PLA2G5: variants seen among roughly 807,000 people sequenced by gnomAD.
PLA2G5 encodes the protein phospholipase A2 group V, also known as Ca2+-dependent phospholipase A2.
Under a neutral mutation model 15.9 loss-of-function variants are expected in PLA2G5, and 12 were observed. The observed-to-expected ratio is 0.76, with a 90% confidence interval of 0.48 to 1.23. The LOEUF (loss-of-function observed/expected upper bound fraction) is 1.23, where lower values mean the gene tolerates loss of function less well. Among genes scored for constraint, PLA2G5 ranks in the 50% most tolerant of loss-of-function variants. The probability of loss-of-function intolerance (pLI) is 0.00; values close to 1 mark genes in which losing one functional copy is unlikely to be tolerated. For synonymous variants in PLA2G5, 71 were observed against 71.4 expected, an observed-to-expected ratio of 0.99 and a Z score of 0.03; for missense variants, 169 against 177.1, an observed-to-expected ratio of 0.95 and a Z score of 0.26.
chr1:20,080,007 A>C (rs2100587704), intron 1 of PLA2G5, among the ~76,000 whole-genome samples: 1 of 152,326 alleles, frequency 6.6e-6, no homozygotes, highest in South Asian at 2.1e-4. Flanking sequence ...TTGGCAAGTT[A>C]GGAACAAGAG....
At chr1:20,085,420 G>A (rs2100619668) in intron 2 of PLA2G5, among the ~76,000 whole-genome samples, 1 of 152,228 alleles carries the variant, frequency 6.6e-6, no homozygotes, top group South Asian at 2.1e-4. Flanking sequence ...GGAGGAGCTG[G>A]AGGCCTGGTG....
chr1:20,073,072 C>T (rs2015471964), intron 1 of PLA2G5, among the ~76,000 whole-genome samples: 1 of 152,152 alleles, frequency 6.6e-6, no homozygotes, highest in African/African-American at 2.4e-5. Flanking sequence ...CCTTGGGCAC[C>T]ATCTGTGATC....
At chr1:20,052,110 A>G (rs930006921) in intron 1 of PLA2G5, among the ~76,000 whole-genome samples, 3 of 150,978 alleles carry the variant, frequency 2.0e-5, no homozygotes, top group African/African-American at 7.3e-5. Flanking sequence ...TTTATTAAAA[A>G]TGGGAAACTG....
In PLA2G5 at chr1:20,049,420, A is replaced by G. The variant is rs77610515; in HGVS notation, n.277-10212A>G. ...TTAAGGAATTGATTTATTCTTAATAAATTATAAGAGCTTTTAATTTTTTTT... is the reference window on the plus strand; with the variant it reads ...TTAAGGAATTGATTTATTCTTAATAGATTATAAGAGCTTTTAATTTTTTTT... On this transcript the variant is annotated intron_variant and non_coding_transcript_variant, in intron 1 of 6. Coordinates refer to the PLA2G5 transcript ENST00000460175. 9.0e-4 allele frequency among the ~76,000 whole-genome samples: 136 copies of G among 151,332 alleles called. 2 individuals carry two copies. The East Asian group carries it at 0.021, about 23-fold the overall frequency.
rs187146146 is a variant in PLA2G5 at position 20,077,197 on chromosome 1, A to G, written c.-11+6732A>G. 3.6e-3 allele frequency among the ~76,000 whole-genome samples: 554 copies of G among 152,350 alleles called. 4 individuals are homozygous for G. Among genetic ancestry groups the G allele is most frequent in the African/African-American group, 0.011 (471 of 41,588 alleles). ...TTTGCCCTCAAGAGGCTTCCATTCA[A>G]TTGGAGGTGGAAGTGGCTGGGGCAT... On this transcript the variant is annotated intron_variant, in intron 1 of 4. Coordinates refer to ENST00000375108, the MANE Select transcript of PLA2G5 (RefSeq NM_000929.3).
At chr1:20,081,302 A>C (rs926965779) in intron 1 of PLA2G5, among the ~76,000 whole-genome samples, 1 of 151,730 alleles carries the variant, frequency 6.6e-6, no homozygotes, top group Admixed American at 6.5e-5. Flanking sequence ...CAGCCACTCC[A>C]TGCCTCTGCC....
intron 1 of PLA2G5, among the ~76,000 whole-genome samples, chr1:20,053,237 G>C (rs1429381404): frequency 1.3e-5 from 2 of 152,070 alleles, no homozygotes; most frequent in Admixed American, 1.3e-4. Context: ...TCTTTTATCT[G>C]ACAGGAATTT....
intron 2 of PLA2G5, among the ~76,000 whole-genome samples, chr1:20,061,759 C>A (rs1224722455): frequency 6.6e-6 from 1 of 152,234 alleles, no homozygotes; most frequent in Non-Finnish European, 1.5e-5. Context: ...ATCCAGCCCT[C>A]TGCCTTTTTA....
chr1:20,074,168 T>C (rs149925016), intron 1 of PLA2G5, among the ~76,000 whole-genome samples: 173 of 152,226 alleles, frequency 1.1e-3, no homozygotes, highest in Non-Finnish European at 1.9e-3. Flanking sequence ...GAGCAGGAAA[T>C]GCAAAAGCTG....
At chr1:20,044,669 G>A (rs537366133) in intron 1 of PLA2G5, among the ~76,000 whole-genome samples, 5 of 152,128 alleles carry the variant, frequency 3.3e-5, no homozygotes, top group African/African-American at 7.2e-5. Context: ...TTGGGCAGGT[G>A]GGGGAGGGCT....
chr1:20,034,218 C>G (rs949940780), intron 1 of PLA2G5, among the ~76,000 whole-genome samples: 1 of 152,098 alleles, frequency 6.6e-6, no homozygotes, highest in Non-Finnish European at 1.5e-5. Flanking sequence ...GGAAGTTCAG[C>G]TAGGTCCTTG....
At chr1:20,066,275 T>C (rs2015022346), upstream of PLA2G5, 1 of 152,256 alleles carries the variant, frequency 6.6e-6, no homozygotes, top group Non-Finnish European at 1.5e-5. Context: ...TTATTCATTT[T>C]CTTATTTTTG....
chr1:20,052,307 AT>A (rs980747887), intron 1 of PLA2G5, among the ~76,000 whole-genome samples: 2 of 151,668 alleles, frequency 1.3e-5, no homozygotes, highest in Admixed American at 6.6e-5. Context: ...AATGTTTTCC[AT>A]TTTTTTCCTT....
At chr1:20,088,738 C>T (rs2016418515) in intron 3 of PLA2G5, 1 of 153,756 alleles carries the variant, frequency 6.5e-6, no homozygotes, top group Non-Finnish European at 1.5e-5. Flanking sequence ...TGCAGATGCC[C>T]TAGTCCCTGA....
chr1:20,058,440 C>T (rs533689509), intron 1 of PLA2G5, among the ~76,000 whole-genome samples: 2 of 152,302 alleles, frequency 1.3e-5, no homozygotes, highest in East Asian at 3.9e-4. Context: ...ATTAACATAG[C>T]TACTCCAGCT....
chr1:20,074,943 G>A (rs2015589254), intron 1 of PLA2G5, among the ~76,000 whole-genome samples: 1 of 152,192 alleles, frequency 6.6e-6, no homozygotes, highest in African/African-American at 2.4e-5. Context: ...CTGTGATCCA[G>A]ACACCTCCTA....
At chr1:20,062,994 G>T (rs681784) in intron 2 of PLA2G5, among the ~76,000 whole-genome samples, 18,470 of 152,058 alleles carry the variant, frequency 0.12, 2,101 homozygotes, top group African/African-American at 0.3. Flanking sequence ...ATCCATGGAC[G>T]TGGGGAAGCA....
chr1:20,053,570 C>CGGGG (rs60259205), intron 1 of PLA2G5, among the ~76,000 whole-genome samples: 116 of 98,096 alleles, frequency 1.2e-3, no homozygotes, highest in Non-Finnish European at 1.5e-3. Flanking sequence ...TATTACTTTG[C>CGGGG]GGGGGGGGGG....
chr1:20,090,804 C>G lies in PLA2G5; in HGVS notation c.*112C>G, dbSNP rs2016533251. Reference sequence around the variant, plus strand: ...AGGCTCCTAAGTCACAGACCTCAGTCTTTCTCGAAGCTTGGCGGACCCCCA... The same window carrying G: ...AGGCTCCTAAGTCACAGACCTCAGTGTTTCTCGAAGCTTGGCGGACCCCCA... On this transcript the variant is annotated 3_prime_UTR_variant, in exon 5 of 5. Coordinates refer to ENST00000375108, the MANE Select transcript of PLA2G5 (RefSeq NM_000929.3). 1 of 1,181,466 alleles carries G rather than the reference C, an allele frequency of 8.5e-7. No homozygotes were observed. The highest frequency in any genetic ancestry group is 1.2e-6 in the Non-Finnish European group (1 of 808,524). 73.2% of individuals were successfully genotyped at this position (1,181,466 alleles called of 1,614,324 possible).
Sources: allele counts gnomAD v4.1 joint callset (sites outside exome capture counted in the v4.1 genomes callset), GRCh38; gene constraint gnomAD v4.1.1; transcripts MANE v1.5; gene names NCBI Gene and HGNC (gene_info 2026-07-23, HGNC 2026-07-21).